The following SCARA3 variants were observed in gnomAD, a reference collection of about 807,000 sequenced individuals.
SCARA3 encodes the protein scavenger receptor class A member 3.
In SCARA3, 39 loss-of-function variants were observed where a neutral mutation model predicts 47.0. The ratio of observed to expected loss-of-function variants is 0.83; its 90% confidence interval spans 0.64 to 1.08. The LOEUF is 1.08. Ranked by LOEUF, SCARA3 falls within the 50% of genes least tolerant of loss-of-function variation. The pLI, the probability that SCARA3 is intolerant of heterozygous loss-of-function variation, is 0.00. For synonymous variants in SCARA3, 356 were observed against 334.1 expected (o/e 1.07, Z -0.71); for missense variants, 724 against 792.3 (o/e 0.91, Z 1.04).
At chr8:27,666,251 C>G (rs982789379) in intron 5 of SCARA3, among the ~76,000 whole-genome samples, 5 of 152,168 alleles carry the variant, frequency 3.3e-5, no homozygotes, top group African/African-American at 1.2e-4. Context: ...GTTTCTAAGC[C>G]TCTTTGCACA....
At chr8:27,638,577 T>G (rs1051151372) in intron 1 of SCARA3, among the ~76,000 whole-genome samples, 1 of 152,148 alleles carries the variant, frequency 6.6e-6, no homozygotes, top group Non-Finnish European at 1.5e-5. Context: ...TGTACCATGG[T>G]ATCGTCAGAA....
the SCARA3 span, among the ~76,000 whole-genome samples, chr8:27,731,351 C>T: frequency 0.027 from 4,108 of 151,892 alleles, 71 homozygotes; most frequent in Middle Eastern, 0.044. Context: ...CCTCCCGCCT[C>T]GGCCTCCCAG....
intron 5 of SCARA3, among the ~76,000 whole-genome samples, chr8:27,660,693 T>TGATA (rs200533534): frequency 0.25 from 21,976 of 88,958 alleles, 1,820 homozygotes; most frequent in South Asian, 0.28. Flanking sequence ...GAGTGATAGA[T>TGATA]GATAGATAGA....
the SCARA3 span, chr8:27,697,181 C>A: frequency 3.2e-3 from 670 of 210,094 alleles, 8 homozygotes; most frequent in African/African-American, 0.015. Context: ...AGGCAGTTCA[C>A]TTCCCAGAGC....
chr8:27,658,261 G>A (rs530897651), intron 4 of SCARA3, among the ~76,000 whole-genome samples: 90 of 152,284 alleles, frequency 5.9e-4, no homozygotes, highest in African/African-American at 2.1e-3. Flanking sequence ...GTGGTGAGAA[G>A]GAGGAAACAT....
the SCARA3 span, among the ~76,000 whole-genome samples, chr8:27,686,237 T>TA: frequency 6.6e-6 from 1 of 152,170 alleles, no homozygotes; most frequent in Admixed American, 6.5e-5. Flanking sequence ...CCCCAGGAGT[T>TA]AGAGACTAGC....
In SCARA3 at chr8:27,638,314, TTGTG is replaced by T. The variant is rs55695492; in HGVS notation, c.7+4137_7+4140del. ...TGTTTGATCATGTATAATTTAGTGATTGTGTGTGTGTGTGTGTGTGTGTGTGTGT... is the reference window on the plus strand; with the variant it reads ...TGTTTGATCATGTATAATTTAGTGATTGTGTGTGTGTGTGTGTGTGTGTGT... On this transcript the variant is annotated intron_variant, in intron 1 of 5. Coordinates refer to ENST00000301904, the MANE Select transcript of SCARA3 (RefSeq NM_016240.3). Among the ~76,000 whole-genome samples, 584 of 146,728 alleles carry T rather than the reference TTGTG, an allele frequency of 4.0e-3. 6 individuals carry two copies. The highest frequency in any genetic ancestry group is 0.014 in the African/African-American group (539 of 39,262).
intron 5 of SCARA3, among the ~76,000 whole-genome samples, chr8:27,666,419 A>G (rs1045184986): frequency 5.3e-5 from 8 of 152,268 alleles, no homozygotes; most frequent in Middle Eastern, 3.4e-3. Context: ...TCTCCGTGGG[A>G]GGTTGAATCT....
the SCARA3 span, chr8:27,701,598 T>TTTTC: frequency 6.6e-6 from 1 of 151,640 alleles, no homozygotes; most frequent in Non-Finnish European, 1.5e-5. Context: ...TCTTTCTTTC[T>TTTTC]TTTCTTTCTT....
At chr8:27,669,967 G>A (rs1261505237) in intron 5 of SCARA3, among the ~76,000 whole-genome samples, 2 of 151,988 alleles carry the variant, frequency 1.3e-5, no homozygotes, top group Non-Finnish European at 2.9e-5. Flanking sequence ...TGTGTCCTCA[G>A]GGTTGGCACA....
the SCARA3 span, among the ~76,000 whole-genome samples, chr8:27,721,109 C>T: frequency 2.0e-5 from 3 of 152,098 alleles, no homozygotes; most frequent in Non-Finnish European, 4.4e-5. Flanking sequence ...TCCCTCCCTC[C>T]CTCCCCACCT....
chr8:27,669,988 G>T (rs1802108051), intron 5 of SCARA3, among the ~76,000 whole-genome samples: 1 of 151,630 alleles, frequency 6.6e-6, no homozygotes, highest in South Asian at 2.1e-4. Flanking sequence ...GCTATGAGGG[G>T]TGGAGACTCT....
chr8:27,687,035 G>A, the SCARA3 span, among the ~76,000 whole-genome samples: 1 of 152,096 alleles, frequency 6.6e-6, no homozygotes, highest in Admixed American at 6.5e-5. Context: ...GGTTCAAATG[G>A]GGCTGATCTC....
the SCARA3 span, among the ~76,000 whole-genome samples, chr8:27,730,480 T>C: frequency 1.6e-5 from 2 of 125,502 alleles, no homozygotes; most frequent in Non-Finnish European, 3.2e-5. Flanking sequence ...CAAGAGCTTC[T>C]GCCTTTGATT....
downstream of SCARA3, chr8:27,680,010 A>G (rs1356424454): frequency 6.6e-6 from 1 of 152,184 alleles, no homozygotes; most frequent in Non-Finnish European, 1.5e-5. Flanking sequence ...AAATCAGAGA[A>G]AATTAGAAAA....
chr8:27,692,773 A>G, the SCARA3 span, among the ~76,000 whole-genome samples: 4 of 152,118 alleles, frequency 2.6e-5, no homozygotes, highest in Non-Finnish European at 5.9e-5. Context: ...CTTAACCCAG[A>G]CACTCCTTTC....
chr8:27,639,819 A>G (rs1416019312), intron 1 of SCARA3, among the ~76,000 whole-genome samples: 2 of 152,142 alleles, frequency 1.3e-5, no homozygotes, highest in Admixed American at 6.5e-5. Flanking sequence ...AATTGAGAGG[A>G]GAAAGTTCCA....
At chr8:27,733,516 C>G in the SCARA3 span, 1 of 152,194 alleles carries the variant, frequency 6.6e-6, no homozygotes, top group Non-Finnish European at 1.5e-5. Flanking sequence ...CTGGCAGCAG[C>G]AGTGCTGTCC....
intron 1 of SCARA3, among the ~76,000 whole-genome samples, chr8:27,647,101 A>C (rs1355245030): frequency 6.6e-6 from 1 of 151,950 alleles, no homozygotes; most frequent in Non-Finnish European, 1.5e-5. Flanking sequence ...GCCAGGCATT[A>C]ACAACCTCAC....
Sources: allele counts gnomAD v4.1 joint callset (sites outside exome capture counted in the v4.1 genomes callset), GRCh38; gene constraint gnomAD v4.1.1; transcripts MANE v1.5; gene names NCBI Gene and HGNC (gene_info 2026-07-23, HGNC 2026-07-21).